Variants in DCC observed in about 807,000 individuals in gnomAD.
DCC encodes netrin receptor DCC.
Under a neutral mutation model 172.5 loss-of-function variants are expected in DCC, and 58 were observed. The ratio of observed to expected loss-of-function variants is 0.34; its 90% CI spans 0.27 to 0.42. DCC has a LOEUF of 0.42. Ranked by LOEUF, DCC falls within the 10% of genes least tolerant of loss-of-function variation. The probability of loss-of-function intolerance (pLI) is 1.00; values close to 1 mark genes in which losing one functional copy is unlikely to be tolerated. For missense variants in DCC, 1,740 were observed against 1,791.0 expected, an observed-to-expected ratio of 0.97 and a Z score of 0.51; for synonymous variants, 709 against 644.5, an observed-to-expected ratio of 1.10 and a Z score of -1.52.
chr18:53,444,315 G>A (rs1281086932), intron 22 of DCC, among the ~76,000 whole-genome samples: 4 of 152,142 alleles, frequency 2.6e-5, no homozygotes, highest in African/African-American at 7.2e-5. Flanking sequence ...GCCAAGTTGG[G>A]CAGACCATTT....
rs147724655 is a variant in DCC at position 53,126,251 on chromosome 18, G to C, written c.1262-31105G>C. Among the ~76,000 whole-genome samples the C allele has an allele frequency of 1.6e-4, 25 of 152,184 alleles. 1 individual carries two copies. The East Asian group carries it at 4.3e-3, about 26-fold the overall frequency. ...AGTAACATAAGACTTCTTGTTGTAA[G>C]CATTTCTTTGGCTTTCACCCCTGGG... On this transcript the variant is annotated intron_variant, in intron 7 of 28. Transcript: ENST00000442544.
chr18:53,200,758 G>A (rs940170965), intron 9 of DCC, among the ~76,000 whole-genome samples: 6 of 152,090 alleles, frequency 3.9e-5, no homozygotes, highest in African/African-American at 1.4e-4. Context: ...TCAGAGTCAT[G>A]GTCAGGTAAG....
At chr18:53,423,370 T>C (rs1910741616) in intron 21 of DCC, among the ~76,000 whole-genome samples, 2 of 152,274 alleles carry the variant, frequency 1.3e-5, no homozygotes, top group South Asian at 4.1e-4. Context: ...GATGGGTCAC[T>C]GTTGCTTTGG....
At chr18:52,819,526 A>C (rs776532233) in intron 2 of DCC, among the ~76,000 whole-genome samples, 1 of 152,176 alleles carries the variant, frequency 6.6e-6, no homozygotes, top group African/African-American at 2.4e-5. Context: ...CTTACACTTA[A>C]AGCTTAAATG....
intron 2 of DCC, among the ~76,000 whole-genome samples, chr18:52,814,103 G>T (rs561759337): frequency 1.3e-5 from 2 of 152,114 alleles, no homozygotes; most frequent in Admixed American, 1.3e-4. Flanking sequence ...ATACACATAG[G>T]TGTACCCTGT....
At chr18:52,444,151 C>T (rs972458964) in intron 1 of DCC, among the ~76,000 whole-genome samples, 10 of 152,170 alleles carry the variant, frequency 6.6e-5, no homozygotes, top group African/African-American at 2.4e-4. Context: ...TGGAATGGGG[C>T]TACCTGAACC....
intron 2 of DCC, among the ~76,000 whole-genome samples, chr18:52,798,550 T>TAAAAAA (rs553222827): frequency 5.3e-5 from 8 of 151,892 alleles, no homozygotes; most frequent in African/African-American, 1.7e-4. Context: ...TTTTCTTTGT[T>TAAAAAA]AAAAAATAAA....
At chr18:52,345,389 T>C (rs956337936) in intron 1 of DCC, among the ~76,000 whole-genome samples, 1 of 152,212 alleles carries the variant, frequency 6.6e-6, no homozygotes, top group African/African-American at 2.4e-5. Flanking sequence ...TTCCCCCTCT[T>C]TTTCCATTCC....
intron 7 of DCC, among the ~76,000 whole-genome samples, chr18:53,156,609 T>A (rs2054739575): frequency 6.6e-6 from 1 of 152,218 alleles, no homozygotes; most frequent in Non-Finnish European, 1.5e-5. Flanking sequence ...ACTATATGAT[T>A]ACATTTTTTT....
chr18:53,469,481 C>T (rs1005212542), intron 25 of DCC, among the ~76,000 whole-genome samples: 1 of 152,170 alleles, frequency 6.6e-6, no homozygotes, highest in Non-Finnish European at 1.5e-5. Flanking sequence ...TTTCCCTATT[C>T]TTAGCTAATA....
chr18:52,397,873 GT>G (rs1275052797), intron 1 of DCC, among the ~76,000 whole-genome samples: 1 of 151,952 alleles, frequency 6.6e-6, no homozygotes, highest in African/African-American at 2.4e-5. Context: ...ATATCTGATG[GT>G]GCTGGCCACG....
At chr18:52,884,737 C>G (rs774501694) in intron 2 of DCC, among the ~76,000 whole-genome samples, 1 of 152,100 alleles carries the variant, frequency 6.6e-6, no homozygotes, top group Non-Finnish European at 1.5e-5. Context: ...ATGTTTTCCT[C>G]GATGGTCCTG....
chr18:53,042,008 C>G (rs1012897955), intron 5 of DCC, among the ~76,000 whole-genome samples: 3 of 151,936 alleles, frequency 2.0e-5, no homozygotes, highest in Non-Finnish European at 4.4e-5. Flanking sequence ...CTTTTTCTTG[C>G]CAGATTGTCC....
intron 5 of DCC, among the ~76,000 whole-genome samples, chr18:53,010,948 G>T (rs534719127): frequency 6.6e-6 from 1 of 151,348 alleles, no homozygotes; most frequent in Admixed American, 6.6e-5. Context: ...AGAACATAAA[G>T]TGGTGGATAC....
chr18:53,157,738 A>C (rs1029163443), intron 8 of DCC, among the ~76,000 whole-genome samples: 2 of 152,142 alleles, frequency 1.3e-5, no homozygotes. Flanking sequence ...AAAGGTAAGA[A>C]TATATTATGT....
intron 1 of DCC, among the ~76,000 whole-genome samples, chr18:52,474,102 T>A (rs1023656582): frequency 2.6e-5 from 4 of 152,048 alleles, no homozygotes; most frequent in African/African-American, 9.7e-5. Flanking sequence ...TAAATCATAT[T>A]GAACCCTCAG....
intron 1 of DCC, among the ~76,000 whole-genome samples, chr18:52,429,973 G>T (rs1017863940): frequency 6.6e-6 from 1 of 152,062 alleles, no homozygotes; most frequent in African/African-American, 2.4e-5. Context: ...GGTGGATAAG[G>T]TATAAGAATA....
rs1412756218 is a variant in DCC at position 53,459,295 on chromosome 18, T to C, written c.3456T>C (p.Asp1152=). ...GCCAGAAGGACCTCCGACCCCCTGATCTTTGGATCCATCATGAAGAAATGG... is the reference window on the plus strand; with the variant it reads ...GCCAGAAGGACCTCCGACCCCCTGACCTTTGGATCCATCATGAAGAAATGG... ...KGSQKDLRPP[D]LWIHHEEMEM... The change falls in exon 24 of 29, where the codon GAT becomes GAC. Residue 1152 remains aspartate, a synonymous_variant. Transcript: ENST00000442544. 1 of 1,613,986 alleles carries C rather than the reference T, an allele frequency of 6.2e-7. No individual in the cohort carries two copies. The highest frequency in any genetic ancestry group is 1.3e-5 in the African/African-American group (1 of 74,908).
chr18:53,116,633 C>A (rs1466796426), intron 7 of DCC, among the ~76,000 whole-genome samples: 1 of 151,624 alleles, frequency 6.6e-6, no homozygotes, highest in East Asian at 1.9e-4. Flanking sequence ...CATGAAAGTA[C>A]TCTTGGGTTT....
Sources: gnomAD v4.1 joint callset for allele counts (sites outside exome capture counted in the v4.1 genomes callset) on GRCh38, gnomAD v4.1.1 for gene constraint, MANE v1.5 for transcripts, NCBI Gene and HGNC (gene_info 2026-07-23, HGNC 2026-07-21) for gene names.